The following LAMB4 variants were observed in gnomAD, a reference collection of about 807,000 sequenced individuals.
LAMB4 encodes the protein laminin subunit beta 4.
LAMB4 carries 196 observed loss-of-function variants against 199.2 expected under a neutral mutation model. That is an observed-to-expected ratio of 0.98 (90% CI 0.88 to 1.11). The LOEUF (loss-of-function observed/expected upper bound fraction) is 1.11, where lower values mean the gene tolerates loss of function less well. LAMB4 is among the 50% of genes least tolerant of loss of function. LAMB4 has a pLI of 0.00. For synonymous variants in LAMB4, 744 were observed against 770.6 expected (o/e 0.97, Z 0.57); for missense variants, 2,080 against 2,171.2 (o/e 0.96, Z 0.83).
the LAMB4 span, among the ~76,000 whole-genome samples, chr7:108,015,347 A>T: frequency 6.6e-6 from 1 of 152,218 alleles, no homozygotes; most frequent in Non-Finnish European, 1.5e-5. Context: ...AGGAATTCTC[A>T]AACAGTGGTT....
intron 25 of LAMB4, among the ~76,000 whole-genome samples, chr7:108,054,632 A>G (rs2035923697): frequency 1.3e-5 from 2 of 152,096 alleles, no homozygotes; most frequent in African/African-American, 4.8e-5. Context: ...TTTTGCCCTT[A>G]ACAGGTTGGC....
chr7:108,041,618 A>G (rs1177969360), intron 29 of LAMB4, among the ~76,000 whole-genome samples: 1 of 152,216 alleles, frequency 6.6e-6, no homozygotes, highest in Non-Finnish European at 1.5e-5. Context: ...GCTGGAGGCC[A>G]TTATCCTTAG....
intron 19 of LAMB4, among the ~76,000 whole-genome samples, chr7:108,066,961 G>A (rs977561771): frequency 6.6e-6 from 1 of 151,360 alleles, no homozygotes; most frequent in Admixed American, 6.6e-5. Flanking sequence ...TAATGGTATA[G>A]TATTAATATA....
chr7:108,093,883 G>A (rs1159221556), intron 12 of LAMB4, among the ~76,000 whole-genome samples: 3 of 152,136 alleles, frequency 2.0e-5, no homozygotes, highest in Middle Eastern at 3.2e-3. Flanking sequence ...GACACAATGC[G>A]ACAAAGGACT....
At position 108,063,927 on chromosome 7, in the gene LAMB4, T is replaced by C. The variant is rs773655629; in HGVS notation, c.2895A>G (p.Ala965=). The C allele has an allele frequency of 1.9e-6, 3 of 1,614,168 alleles. No homozygotes were observed. In the East Asian group the frequency reaches 6.7e-5, roughly 36 times the overall value. The part of the protein sequence containing the change: ...GFYGNPRISG[A]PCQPCACNNN... Reference sequence around the variant, plus strand: ...TGTTGCAGGCACATGGTTGGCAAGGTGCTCCTGAAATTCTTGGATTTCCAT... The same window carrying C: ...TGTTGCAGGCACATGGTTGGCAAGGCGCTCCTGAAATTCTTGGATTTCCAT... The change falls in exon 22 of 34, where the codon GCA becomes GCG. Residue 965 remains alanine, a synonymous_variant. Transcript: ENST00000388781.
Position 108,055,914 on chromosome 7 carries a change from C to T in LAMB4, c.3473G>A (p.Cys1158Tyr), listed in dbSNP as rs1282774224. The T allele has an allele frequency of 1.2e-6, 2 of 1,614,096 alleles. No individual in the cohort carries two copies. Among genetic ancestry groups the T allele is most frequent in the Admixed American group, 1.7e-5 (1 of 60,014 alleles). ...GCTGTGTCCCCGGGCACAGCGATCA[C>T]ATCTCTGGCCGCTGACACCCTCCCG... ...RCREGVSGQRCDRCARGHSQE... is the reference protein window; with the variant it reads ...RCREGVSGQRYDRCARGHSQE... The change falls in exon 25 of 34, where the codon TGT (cysteine) becomes TAT (tyrosine). Residue 1158 changes from cysteine to tyrosine, a missense_variant. Coordinates refer to ENST00000388781, the MANE Select transcript of LAMB4 (RefSeq NM_007356.3).
intron 18 of LAMB4, 21 bp downstream of exon 18, chr7:108,069,687 G>A: frequency 6.2e-7 from 1 of 1,602,874 alleles, no homozygotes; most frequent in Middle Eastern, 1.7e-4. Flanking sequence ...CCTCAGTAGA[G>A]CCCATTAAAC....
chr7:108,102,692 G>C (rs2037855939), intron 10 of LAMB4, among the ~76,000 whole-genome samples: 1 of 152,176 alleles, frequency 6.6e-6, no homozygotes, highest in Non-Finnish European at 1.5e-5. Flanking sequence ...TAACATGTTA[G>C]CTTATGCATC....
In LAMB4 at chr7:108,038,326, A is replaced by AT. The variant is rs376517483; in HGVS notation, c.4472-732dup. ...AGGTATGCACCACCATGCCCAGCTA[A>AT]TTTTTTTTGTATTTTTAGTAGAGAT... On this transcript the variant is annotated intron_variant, in intron 29 of 33. Transcript: ENST00000388781. Among the ~76,000 whole-genome samples, 44 of 151,634 alleles carry AT rather than the reference A, an allele frequency of 2.9e-4. No homozygotes were observed. The South Asian group carries it at 4.2e-3, about 14-fold the overall frequency.
intron 26 of LAMB4, 33 bp downstream of exon 26, chr7:108,052,064 G>A (rs1383005220): frequency 6.4e-7 from 1 of 1,570,328 alleles, no homozygotes; most frequent in Non-Finnish European, 8.7e-7. Context: ...CAAACTTTGT[G>A]CAGACACAGT....
chr7:108,097,430 A>G (rs2037649712), intron 11 of LAMB4, among the ~76,000 whole-genome samples: 1 of 152,152 alleles, frequency 6.6e-6, no homozygotes, highest in South Asian at 2.1e-4. Flanking sequence ...TTTTTCTTTT[A>G]TCAGAGAACA....
chr7:108,074,945 T>C (rs1005096509), intron 17 of LAMB4, among the ~76,000 whole-genome samples: 5 of 152,188 alleles, frequency 3.3e-5, no homozygotes, highest in African/African-American at 1.2e-4. Context: ...AGGATATAGA[T>C]TGAAAATCAA....
At chr7:108,106,601 G>A (rs751052324) in intron 6 of LAMB4, 29 bp from the exon 7 acceptor site, 100 of 1,192,424 alleles carry the variant, frequency 8.4e-5, no homozygotes, top group Admixed American at 3.7e-4. Context: ...TACATTTATA[G>A]TATATTACCT....
intron 2 of LAMB4, among the ~76,000 whole-genome samples, chr7:108,121,577 C>G (rs1446826374): frequency 6.6e-6 from 1 of 151,998 alleles, no homozygotes; most frequent in Non-Finnish European, 1.5e-5. Flanking sequence ...TGGTGAAACC[C>G]TGTCTCTACT....
chr7:108,054,777 G>A (rs552133788), intron 25 of LAMB4, among the ~76,000 whole-genome samples: 1 of 152,182 alleles, frequency 6.6e-6, no homozygotes, highest in South Asian at 2.1e-4. Context: ...CATAAACAAA[G>A]GCTGTGTCAG....
At chr7:108,120,494 G>C (rs1458651651) in intron 2 of LAMB4, among the ~76,000 whole-genome samples, 2 of 152,078 alleles carry the variant, frequency 1.3e-5, no homozygotes, top group Non-Finnish European at 2.9e-5. Context: ...CTAAAACAAG[G>C]GCACATTTCT....
chr7:108,033,774 C>G (rs1458184657), intron 31 of LAMB4, among the ~76,000 whole-genome samples: 1 of 129,974 alleles, frequency 7.7e-6, no homozygotes, highest in East Asian at 2.3e-4. Flanking sequence ...TTAGGATACT[C>G]TGATGAGATT....
chr7:108,128,070 G>A (rs553180579), intron 1 of LAMB4, among the ~76,000 whole-genome samples: 15 of 152,226 alleles, frequency 9.9e-5, no homozygotes, highest in South Asian at 4.2e-4. Context: ...GAACACGGTC[G>A]ATACAGGGGA....
chr7:108,043,550 T>G (rs1296669916), intron 29 of LAMB4, among the ~76,000 whole-genome samples: 2 of 5,476 alleles, frequency 3.7e-4, no homozygotes, highest in Admixed American at 1.5e-3. Context: ...ATGATGTTTT[T>G]TTTTTTTTTT....
Sources: gnomAD v4.1 joint callset for allele counts (sites outside exome capture counted in the v4.1 genomes callset) on GRCh38, gnomAD v4.1.1 for gene constraint, MANE v1.5 for transcripts, NCBI Gene and HGNC (gene_info 2026-07-23, HGNC 2026-07-21) for gene names.